Variants in ESCO1 observed in about 807,000 individuals in gnomAD.
The protein encoded by ESCO1 is establishment of sister chromatid cohesion N-acetyltransferase 1.
Under a neutral mutation model 83.5 loss-of-function variants are expected in ESCO1, and 33 were observed. The ratio of observed to expected loss-of-function variants is 0.40; its 90% CI spans 0.30 to 0.53. The LOEUF is 0.53. Among genes scored for constraint, ESCO1 ranks in the 20% least tolerant of loss-of-function variants. ESCO1 has a pLI of 0.63. For missense variants in ESCO1, 855 were observed against 968.0 expected, an observed-to-expected ratio of 0.88 and a Z score of 1.55; for synonymous variants, 332 against 324.3, an observed-to-expected ratio of 1.02 and a Z score of -0.25.
intron 8 of ESCO1, among the ~76,000 whole-genome samples, chr18:21,545,864 A>G (rs969067608): frequency 6.6e-6 from 1 of 152,186 alleles, no homozygotes. Context: ...CAGGAGGCGG[A>G]GGCTGCAGTG....
chr18:21,581,375 GT>G (rs1271259053), intron 2 of ESCO1, among the ~76,000 whole-genome samples: 2 of 151,630 alleles, frequency 1.3e-5, no homozygotes, highest in Admixed American at 6.6e-5. Flanking sequence ...ACACTTAGCT[GT>G]AATATTTAAC....
intron 10 of ESCO1, 108 bp from the exon 11 acceptor site, chr18:21,532,768 G>T: frequency 9.9e-7 from 1 of 1,005,098 alleles, no homozygotes. Context: ...ACAAACTATG[G>T]GGCCACTTAT....
chr18:21,592,282 A>T (rs566188009), intron 1 of ESCO1, among the ~76,000 whole-genome samples: 1 of 138,816 alleles, frequency 7.2e-6, no homozygotes, highest in East Asian at 2.2e-4. Context: ...TGGACGGGGC[A>T]GCTGGCCGGG....
At chr18:21,545,913 A>C (rs752134088) in intron 8 of ESCO1, among the ~76,000 whole-genome samples, 5 of 152,176 alleles carry the variant, frequency 3.3e-5, no homozygotes, top group Non-Finnish European at 7.3e-5. Context: ...CTGGGTGACA[A>C]GAGCGAAACT....
At chr18:21,566,437 T>C (rs1158299318) in intron 5 of ESCO1, among the ~76,000 whole-genome samples, 1 of 152,244 alleles carries the variant, frequency 6.6e-6, no homozygotes, top group Admixed American at 6.5e-5. Flanking sequence ...GCTGTAATGG[T>C]AGATTAGCTT....
intron 7 of ESCO1, among the ~76,000 whole-genome samples, chr18:21,561,981 C>T (rs1047636655): frequency 3.9e-5 from 6 of 152,020 alleles, no homozygotes; most frequent in African/African-American, 9.7e-5. Flanking sequence ...TGGGTTCAAG[C>T]GATTCTCCTG....
intron 1 of ESCO1, among the ~76,000 whole-genome samples, 176 bp downstream of exon 1, chr18:21,600,447 C>G (rs913953078): frequency 4.6e-5 from 7 of 152,236 alleles, no homozygotes; most frequent in Non-Finnish European, 7.3e-5. Flanking sequence ...CCTAGAGCCT[C>G]CCACCTCCCT....
intron 9 of ESCO1, among the ~76,000 whole-genome samples, chr18:21,538,067 G>A (rs2037858793): frequency 6.6e-6 from 1 of 151,954 alleles, no homozygotes; most frequent in African/African-American, 2.4e-5. Flanking sequence ...GTAGATACTA[G>A]TTTAAGTATG....
At chr18:21,568,321 C>G (rs988795462) in intron 4 of ESCO1, among the ~76,000 whole-genome samples, 3 of 152,092 alleles carry the variant, frequency 2.0e-5, no homozygotes, top group African/African-American at 7.2e-5. Flanking sequence ...GCAGTGCATG[C>G]CTGTTGTCTC....
In ESCO1 at chr18:21,532,492, G is replaced by A; in HGVS notation, c.2356C>T (p.Arg786Cys). The A allele has an allele frequency of 1.9e-6, 3 of 1,612,478 alleles. No homozygotes were observed. The highest frequency in any genetic ancestry group is 2.5e-6 in the Non-Finnish European group (3 of 1,178,804). Residue 786 changes from arginine (R) to cysteine (C), a missense_variant, in exon 11 of 12, where the codon CGC (arginine) becomes TGC (cysteine). Arg to Cys is a radical substitution (Grantham distance 180). Transcript: ENST00000269214. ...SMMRRKKIAS[R>C]MIECLRSNFI... ...AGTTACCTTAGGCATTCAATCATGCGAGAAGCAATTTTCTTCCGACGCATC... is the reference window on the plus strand; with the variant it reads ...AGTTACCTTAGGCATTCAATCATGCAAGAAGCAATTTTCTTCCGACGCATC...
At chr18:21,552,820 A>C (rs1030857121) in intron 8 of ESCO1, among the ~76,000 whole-genome samples, 1 of 152,262 alleles carries the variant, frequency 6.6e-6, no homozygotes, top group Non-Finnish European at 1.5e-5. Context: ...TGCATCTCTC[A>C]CAAAAATTAA....
At position 21,593,396 on chromosome 18, in the gene ESCO1, C is replaced by T. The variant is rs575336743; in HGVS notation, c.-825+7227G>A. 9.3e-3 allele frequency: 1,469 copies of T among 157,190 alleles called. 26 individuals carry two copies. Among genetic ancestry groups the T allele is most frequent in the African/African-American group, 0.033 (1,383 of 41,574 alleles). 9.7% of individuals were successfully genotyped at this position (157,190 alleles called of 1,614,324 possible). A position where few individuals can be genotyped will look rare whatever the true frequency, so the allele number is the denominator to read the frequency against. The stretch of plus-strand genomic sequence containing the variant: ...CGCGGTTAGGAGCTGGAGACCAGCC[C>T]AGCCAACACAGCGAAACCCCGTCTC... On this transcript the variant is annotated intron_variant, in intron 1 of 11. Transcript: ENST00000269214.
Position 21,577,443 on chromosome 18 carries a change from G to A in ESCO1, c.-693-1666C>T, listed in dbSNP as rs562998250. On this transcript the variant is annotated intron_variant, in intron 2 of 11. Transcript: ENST00000269214. ...GGGAGGCCGAGGCGGGCAGATTCAC[G>A]AGGTCAGGAGGTCGAGACCATCCTG... Among the ~76,000 whole-genome samples the A allele has an allele frequency of 2.5e-4, 37 of 147,726 alleles. No homozygotes were observed. In the South Asian group the frequency reaches 7.1e-3, roughly 28 times the overall value.
In ESCO1 at chr18:21,573,786, T is replaced by C. The variant is rs574778082; in HGVS notation, c.1058A>G (p.Gln353Arg). ...ETSVERQILH[Q>R]KETNQDVQCN... ...TTGCACATCCTGATTTGTTTCCTTC[T>C]GATGAAGTATTTGTCTTTCAACACT... The change falls in exon 4 of 12, where the codon CAG becomes CGG. Residue 353 changes from glutamine (Q) to arginine (R), a missense_variant. This residue lies in a region of ESCO1 where 726 missense variants were observed against 699.5 expected (regional missense o/e 1.04). Transcript: ENST00000269214. 9.2e-5 allele frequency: 149 copies of C among 1,614,134 alleles called. 1 individual carries two copies. In the South Asian group the frequency reaches 1.5e-3, roughly 17 times the overall value.
In ESCO1 at chr18:21,574,144, T is replaced by C. The variant is rs549885785; in HGVS notation, c.700A>G (p.Arg234Gly). 1 of 1,613,912 alleles carries C rather than the reference T, an allele frequency of 6.2e-7. No individual in the cohort carries two copies. Among genetic ancestry groups the C allele is most frequent in the Admixed American group, 1.7e-5 (1 of 60,000 alleles). The change falls in exon 4 of 12, where the codon AGA becomes GGA. Residue 234 changes from arginine (R) to glycine (G), a missense_variant. Around this residue, in one of 2 missense-constraint regions of ESCO1, gnomAD observed 726 missense variants for 699.5 expected, o/e 1.04. Coordinates refer to ENST00000269214, the MANE Select transcript of ESCO1 (RefSeq NM_052911.3). ...ACAGGCACAGGTTTCGTTTCGTCTC[T>C]TCTAGTAGTCTTCTGAGGACACTTT... ...SEKCPQKTTR[R>G]DETKPVPVTS...
intron 4 of ESCO1, among the ~76,000 whole-genome samples, chr18:21,570,566 G>A (rs1439657377): frequency 1.3e-5 from 2 of 152,090 alleles, no homozygotes; most frequent in African/African-American, 4.8e-5. Context: ...CACAAACAAA[G>A]CTAAGTATTC....
At chr18:21,538,579 A>C (rs1197875387) in intron 9 of ESCO1, among the ~76,000 whole-genome samples, 1 of 152,222 alleles carries the variant, frequency 6.6e-6, no homozygotes, top group Non-Finnish European at 1.5e-5. Context: ...TAAAGTTAAG[A>C]ATCAGAAAAT....
intron 11 of ESCO1, 69 bp from the exon 12 acceptor site, chr18:21,530,559 T>A: frequency 7.2e-7 from 1 of 1,397,162 alleles, no homozygotes; most frequent in Admixed American, 2.6e-5. Flanking sequence ...ATTCTAATCA[T>A]TAAAACTGGA....
intron 8 of ESCO1, among the ~76,000 whole-genome samples, chr18:21,560,430 G>A (rs1485784133): frequency 6.6e-6 from 1 of 150,488 alleles, no homozygotes; most frequent in African/African-American, 2.4e-5. Context: ...CAAAGAGAAG[G>A]TAAAGGAAAT....
Sources: allele counts gnomAD v4.1 joint callset (sites outside exome capture counted in the v4.1 genomes callset), GRCh38; gene constraint gnomAD v4.1.1; regional missense constraint gnomAD v4.1.1; transcripts MANE v1.5; gene names NCBI Gene and HGNC (gene_info 2026-07-23, HGNC 2026-07-21).